The following ADAMTS17 variants were observed in gnomAD, a reference collection of about 807,000 sequenced individuals.
The protein encoded by ADAMTS17 is ADAM metallopeptidase with thrombospondin type 1 motif 17.
In ADAMTS17, 113 loss-of-function variants were observed where a neutral mutation model predicts 141.5. The observed-to-expected ratio is 0.80, with a 90% confidence interval of 0.69 to 0.93. ADAMTS17 has a LOEUF of 0.93. Ranked by LOEUF, ADAMTS17 falls within the 40% of genes least tolerant of loss-of-function variation. The pLI, the probability that ADAMTS17 is intolerant of heterozygous loss-of-function variation, is 0.00. For synonymous variants in ADAMTS17, 768 were observed against 630.6 expected, an observed-to-expected ratio of 1.22 and a Z score of -3.27; for missense variants, 1,659 against 1,517.9, an observed-to-expected ratio of 1.09 and a Z score of -1.54.
chr15:100,054,938 T>A (rs1325812486), intron 15 of ADAMTS17, among the ~76,000 whole-genome samples: 2 of 152,202 alleles, frequency 1.3e-5, no homozygotes. Context: ...GGGGTGAAGA[T>A]CATGTGGTTC....
chr15:100,082,716 A>T (rs1043986874), intron 15 of ADAMTS17, among the ~76,000 whole-genome samples: 1 of 149,680 alleles, frequency 6.7e-6, no homozygotes, highest in Non-Finnish European at 1.5e-5. Flanking sequence ...ATCTTTCTAC[A>T]AATAGTTATT....
Position 100,210,230 on chromosome 15 carries a change from CAAAAAAAAAAAAA to C in ADAMTS17, c.1076-10820_1076-10808del, listed in dbSNP as rs34086690. ...TGGGAGACAAAGCGAGACTCCATCT[CAAAAAAAAAAAAA>C]AAAAAAAAAAAAAAAAGAAGTGAGC... On this transcript the variant is annotated intron_variant, in intron 7 of 21. Coordinates refer to ENST00000268070, the MANE Select transcript of ADAMTS17 (RefSeq NM_139057.4). Among the ~76,000 whole-genome samples the C allele has an allele frequency of 1.3e-4, 4 of 31,214 alleles. 1 individual carries two copies. Among genetic ancestry groups the C allele is most frequent in the South Asian group, 3.9e-3 (2 of 514 alleles). 20.5% of individuals were successfully genotyped at this position (31,214 alleles called of 152,430 possible). A position where few individuals can be genotyped will look rare whatever the true frequency, so the allele number is the denominator to read the frequency against.
At chr15:100,201,518 C>T (rs1291019105) in intron 7 of ADAMTS17, among the ~76,000 whole-genome samples, 1 of 152,202 alleles carries the variant, frequency 6.6e-6, no homozygotes, top group African/African-American at 2.4e-5. Flanking sequence ...ACTAATACAT[C>T]CTCCTTCCTC....
At chr15:100,151,486 G>A (rs996205354) in intron 10 of ADAMTS17, among the ~76,000 whole-genome samples, 6 of 152,204 alleles carry the variant, frequency 3.9e-5, no homozygotes, top group African/African-American at 1.2e-4. Context: ...GCATGTGCCT[G>A]TGTGCTTTGG....
chr15:100,016,818 TA>T (rs2061299120), intron 18 of ADAMTS17, among the ~76,000 whole-genome samples: 2 of 152,202 alleles, frequency 1.3e-5, no homozygotes, highest in African/African-American at 4.8e-5. Flanking sequence ...GGTGGTTTAG[TA>T]TTCTATTTTT....
At chr15:100,298,439 T>C (rs2044903241) in intron 3 of ADAMTS17, among the ~76,000 whole-genome samples, 1 of 151,984 alleles carries the variant, frequency 6.6e-6, no homozygotes, top group Admixed American at 6.6e-5. Context: ...CTGCGCTGGG[T>C]GCTCTCCCAG....
chr15:100,069,189 G>C lies in ADAMTS17; in HGVS notation c.2138-15135C>G, dbSNP rs185141348. On this transcript the variant is annotated intron_variant, in intron 15 of 21. Transcript: ENST00000268070. ...AAAATGAAGCGAGAAGAGAAGTTTA[G>C]AGAAAAAAGAATAAAAAGAAATGAA... Among the ~76,000 whole-genome samples the C allele has an allele frequency of 1.9e-4, 29 of 152,262 alleles. No individual in the cohort carries two copies. The East Asian group carries it at 5.2e-3, about 27-fold the overall frequency.
intron 3 of ADAMTS17, among the ~76,000 whole-genome samples, chr15:100,313,403 T>C (rs2045464450): frequency 6.6e-6 from 1 of 152,246 alleles, no homozygotes; most frequent in South Asian, 2.1e-4. Context: ...CACATTAATA[T>C]ATCTATGCAG....
intron 3 of ADAMTS17, among the ~76,000 whole-genome samples, chr15:100,286,762 T>C (rs1373152739): frequency 6.6e-6 from 1 of 152,094 alleles, no homozygotes. Context: ...CAGAGTGTCT[T>C]ACCTCCAAAT....
At chr15:100,032,276 G>A (rs1248212989) in intron 18 of ADAMTS17, among the ~76,000 whole-genome samples, 1 of 152,132 alleles carries the variant, frequency 6.6e-6, no homozygotes, top group Non-Finnish European at 1.5e-5. Context: ...GCTTGTCTCA[G>A]AGGTCCAGGA....
intron 13 of ADAMTS17, among the ~76,000 whole-genome samples, chr15:100,114,880 G>C (rs535895993): frequency 6.6e-6 from 1 of 152,320 alleles, no homozygotes; most frequent in Admixed American, 6.5e-5. Context: ...GAAAACAGAA[G>C]TTTAATCTGG....
At chr15:100,045,491 G>A (rs1273758320) in intron 18 of ADAMTS17, among the ~76,000 whole-genome samples, 4 of 152,206 alleles carry the variant, frequency 2.6e-5, no homozygotes, top group Admixed American at 2.6e-4. Flanking sequence ...GTGGTGGGCA[G>A]CAGCTACAGT....
At chr15:100,156,608 A>G (rs1007167650) in intron 8 of ADAMTS17, among the ~76,000 whole-genome samples, 2 of 152,172 alleles carry the variant, frequency 1.3e-5, no homozygotes, top group African/African-American at 4.8e-5. Context: ...TGTTATTTCA[A>G]TTCATACATG....
intron 8 of ADAMTS17, among the ~76,000 whole-genome samples, chr15:100,172,839 C>G (rs1358228614): frequency 6.6e-6 from 1 of 152,204 alleles, no homozygotes; most frequent in Non-Finnish European, 1.5e-5. Flanking sequence ...AGTAAATTTG[C>G]CTTGCTGAGA....
chr15:100,310,849 T>A (rs147783976), intron 3 of ADAMTS17, among the ~76,000 whole-genome samples: 1 of 152,328 alleles, frequency 6.6e-6, no homozygotes, highest in Non-Finnish European at 1.5e-5. Flanking sequence ...AAAGCCAGTT[T>A]GTGCAACCCC....
chr15:99,973,281 G>C lies in ADAMTS17; in HGVS notation c.*1121C>G, dbSNP rs2060249505. Reference sequence around the variant, plus strand: ...GGCTACAGGAAGGCTCGGCGGGTGTGCAGCAGTGCCAGCCAGATGGCGTTC... The same window carrying C: ...GGCTACAGGAAGGCTCGGCGGGTGTCCAGCAGTGCCAGCCAGATGGCGTTC... On this transcript the variant is annotated 3_prime_UTR_variant, in exon 22 of 22. Coordinates refer to ENST00000268070, the MANE Select transcript of ADAMTS17 (RefSeq NM_139057.4). The C allele has an allele frequency of 6.6e-6, 1 of 152,264 alleles. No homozygotes were observed. The highest frequency in any genetic ancestry group is 2.4e-5 in the African/African-American group (1 of 41,420). The allele number at this position is 152,264 out of a possible 1,614,324, so 9.4% of individuals were successfully genotyped here. A position where few individuals can be genotyped will look rare whatever the true frequency, so the allele number is the denominator to read the frequency against.
chr15:100,131,346 T>C lies in ADAMTS17; in HGVS notation c.1721+661A>G, dbSNP rs536655712. On this transcript the variant is annotated intron_variant, in intron 12 of 21. Transcript: ENST00000268070. ...AACAAACCTGCACATTCTGCACATG[T>C]ACCCCAGAACTTAAAGTATGAAAAA... Among the ~76,000 whole-genome samples, 4 of 131,940 alleles carry C rather than the reference T, an allele frequency of 3.0e-5. No individual in the cohort carries two copies. In the East Asian group the frequency reaches 8.9e-4, roughly 29 times the overall value. 86.6% of individuals were successfully genotyped at this position (131,940 alleles called of 152,430 possible). A position where few individuals can be genotyped will look rare whatever the true frequency, so the allele number is the denominator to read the frequency against.
intron 15 of ADAMTS17, among the ~76,000 whole-genome samples, chr15:100,080,048 C>T (rs746263401): frequency 3.0e-4 from 46 of 152,294 alleles, no homozygotes; most frequent in African/African-American, 9.6e-4. Context: ...ATCCAATATA[C>T]GGTACTGTTT....
chr15:100,227,954 A>C (rs2042361578), intron 7 of ADAMTS17, among the ~76,000 whole-genome samples: 1 of 152,234 alleles, frequency 6.6e-6, no homozygotes, highest in Non-Finnish European at 1.5e-5. Flanking sequence ...CTCCCACTGC[A>C]GTAAACATGG....
Sources: allele counts gnomAD v4.1 joint callset (sites outside exome capture counted in the v4.1 genomes callset), GRCh38; gene constraint gnomAD v4.1.1; transcripts MANE v1.5; gene names NCBI Gene and HGNC (gene_info 2026-07-23, HGNC 2026-07-21).